The following EHD3 variants were observed in gnomAD, a reference collection of about 807,000 sequenced individuals.
EHD3 encodes the protein EH domain-containing protein 3.
In EHD3, 17 loss-of-function variants were observed where a neutral mutation model predicts 43.0. The observed-to-expected ratio is 0.40, with a 90% CI of 0.27 to 0.59. EHD3 has a LOEUF of 0.59. Among genes scored for constraint, EHD3 ranks in the 20% least tolerant of loss-of-function variants. EHD3 has a pLI of 0.49. For synonymous variants in EHD3, 313 were observed against 289.5 expected (o/e 1.08, Z -0.82); for missense variants, 594 against 705.6 (o/e 0.84, Z 1.79).
chr2:31,254,864 C>A (rs990877702), intron 3 of EHD3, among the ~76,000 whole-genome samples: 3 of 152,142 alleles, frequency 2.0e-5, no homozygotes, highest in Non-Finnish European at 4.4e-5. Context: ...ATGTGTATGC[C>A]CTACTTACCT....
chr2:31,251,091 G>C (rs1410727518), intron 3 of EHD3, among the ~76,000 whole-genome samples: 1 of 152,238 alleles, frequency 6.6e-6, no homozygotes, highest in Non-Finnish European at 1.5e-5. Context: ...CAGTGCTCCT[G>C]CAGTTGTGTA....
chr2:31,266,437 G>A lies in EHD3; in HGVS notation c.1341G>A (p.Met447Ile), dbSNP rs1683952556. 6.2e-7 allele frequency: 1 copy of A among 1,614,128 alleles called. No individual in the cohort carries two copies. Among genetic ancestry groups the A allele is most frequent in the South Asian group, 1.1e-5 (1 of 91,070 alleles). ...GGGTGGTGGCCAGGGACAAGCCCAT[G>A]TACGACGAGATCTTCTACACCCTGT... ...AEWVVARDKP[M>I]YDEIFYTLSP... The change falls in exon 6 of 6, where the codon ATG (methionine) becomes ATA (isoleucine). Residue 447 changes from methionine to isoleucine, a missense_variant. By Grantham distance (10) the Met-to-Ile change is conservative. Around this residue, in one of 3 missense-constraint regions of EHD3, gnomAD observed 322 missense variants for 348.0 expected, o/e 0.93. Coordinates refer to ENST00000322054, the MANE Select transcript of EHD3 (RefSeq NM_014600.3). This position sits in a 1 kb window ranked among gnomAD's most constrained non-coding sequence, Gnocchi z 5.1.
rs762765044 is a variant in EHD3 at position 31,234,611 on chromosome 2, C to T, written c.-11C>T. ...CCTGGGGCTGCGTGCCGGGGGCGAG[C>T]GGCGGCCGCGATGTTCAGCTGGCTG... On this transcript the variant is annotated 5_prime_UTR_variant, in exon 1 of 6. Coordinates refer to ENST00000322054, the MANE Select transcript of EHD3 (RefSeq NM_014600.3). The T allele has an allele frequency of 1.9e-6, 3 of 1,612,414 alleles. No individual in the cohort carries two copies. Among genetic ancestry groups the T allele is most frequent in the Admixed American group, 3.3e-5 (2 of 60,020 alleles).
chr2:31,243,448 CTT>C (rs1310045883), intron 1 of EHD3, among the ~76,000 whole-genome samples: 2 of 67,008 alleles, frequency 3.0e-5, no homozygotes, highest in Admixed American at 2.0e-4. Context: ...TTCTTTCTTT[CTT>C]TCTTTCTTTC....
intron 5 of EHD3, 127 bp downstream of exon 5, chr2:31,261,840 A>C: frequency 6.6e-6 from 7 of 1,054,518 alleles, no homozygotes; most frequent in Middle Eastern, 3.3e-4. Flanking sequence ...GCAGGCAAGG[A>C]GGTGGCCCTG....
chr2:31,259,501 C>T (rs1683807589), intron 3 of EHD3, among the ~76,000 whole-genome samples: 1 of 152,194 alleles, frequency 6.6e-6, no homozygotes, highest in South Asian at 2.1e-4. Flanking sequence ...AGAACAACTT[C>T]TCTGGGGCTC....
At chr2:31,239,573 G>A (rs1159225598) in intron 1 of EHD3, among the ~76,000 whole-genome samples, 3 of 152,138 alleles carry the variant, frequency 2.0e-5, no homozygotes, top group African/African-American at 7.2e-5. Flanking sequence ...ATTGACAGTG[G>A]GACGAAGGCC....
chr2:31,261,674 G>A lies in EHD3; in HGVS notation c.1041G>A (p.Gln347=). 1 of 1,614,234 alleles carries A rather than the reference G, an allele frequency of 6.2e-7. No individual in the cohort carries two copies. Among genetic ancestry groups the A allele is most frequent in the Non-Finnish European group, 8.5e-7 (1 of 1,180,032 alleles). Residue 347 remains glutamine (Q), a synonymous_variant, in exon 5 of 6, where the codon CAG becomes CAA. Transcript: ENST00000322054. ...ATGGCCGGATCGAGCGGGAGCACCA[G>A]ATCTCACCTGGGGACTTCCCCAATC... is the stretch of plus-strand genomic sequence containing the variant. ...EIYGRIEREH[Q]ISPGDFPNLK...
intron 2 of EHD3, among the ~76,000 whole-genome samples, chr2:31,245,905 A>C (rs13033271): frequency 0.092 from 13,947 of 151,950 alleles, 796 homozygotes; most frequent in Non-Finnish European, 0.12. Flanking sequence ...TTATAAACCT[A>C]TGAACTTGTC....
intron 5 of EHD3, among the ~76,000 whole-genome samples, chr2:31,264,142 A>G (rs1161641975): frequency 1.3e-5 from 2 of 152,204 alleles, no homozygotes; most frequent in Non-Finnish European, 1.5e-5. Context: ...ACAAACCTGC[A>G]TGGTAGGGCC....
At chr2:31,234,963 C>T in intron 1 of EHD3, 115 bp downstream of exon 1, 1 of 959,826 alleles carries the variant, frequency 1.0e-6, no homozygotes, top group Non-Finnish European at 1.6e-6. Flanking sequence ...CAGTTGAGGG[C>T]TCTGAAGAGA....
rs1684006842 is a variant in EHD3, at chr2:31,269,114, C to T, written c.*2410C>T. 6.6e-6 allele frequency: 1 copy of T among 152,246 alleles called. No individual in the cohort carries two copies. The allele number at this position is 152,246 out of a possible 1,614,324, so 9.4% of individuals were successfully genotyped here. On this transcript the variant is annotated 3_prime_UTR_variant, in exon 6 of 6. Coordinates refer to ENST00000322054, the MANE Select transcript of EHD3 (RefSeq NM_014600.3). The stretch of plus-strand genomic sequence containing the variant: ...TGGCTTTCTGACCCCTTCCAGGCTT[C>T]AGGGGCCTGGGAGATCTCATGCCTC...
chr2:31,266,358 C>G lies in EHD3; in HGVS notation c.1262C>G (p.Pro421Arg). 1 of 1,614,172 alleles carries G rather than the reference C, an allele frequency of 6.2e-7. No homozygotes were observed. The highest frequency in any genetic ancestry group is 8.5e-7 in the Non-Finnish European group (1 of 1,180,028). Residue 421 changes from proline to arginine, a missense_variant, in exon 6 of 6, where the codon CCC becomes CGC. Pro to Arg is a moderately radical substitution (Grantham distance 103). Coordinates refer to ENST00000322054, the MANE Select transcript of EHD3 (RefSeq NM_014600.3). The surrounding 1 kb of genome is among the most constrained non-coding windows in gnomAD (Gnocchi z 5.1). The part of the protein sequence containing the change: ...GGAFEGTLHG[P>R]FGHGYGEGAG... ...GCGTTCGAGGGCACCCTGCACGGCC[C>G]CTTTGGGCATGGCTATGGGGAGGGG...
Position 31,261,785 on chromosome 2 carries a change from G to A in EHD3, c.1080+72G>A, listed in dbSNP as rs1031996055. 1.9e-6 allele frequency: 3 copies of A among 1,562,982 alleles called. No individual in the cohort carries two copies. In the African/African-American group the frequency reaches 4.1e-5, roughly 21 times the overall value. ...CTGGCTGAGCAGCCTGAGTATGGAGGAGGCCACTCTTGGAGCCCCCCAGGG... is the reference window on the plus strand; with the variant it reads ...CTGGCTGAGCAGCCTGAGTATGGAGAAGGCCACTCTTGGAGCCCCCCAGGG... On this transcript the variant is annotated intron_variant, in intron 5 of 5. Coordinates refer to ENST00000322054, the MANE Select transcript of EHD3 (RefSeq NM_014600.3).
chr2:31,234,839 C>A lies in EHD3; in HGVS notation c.218C>A (p.Thr73Asn). ...GGCCAGTACTCCACTGGGAAGACCA[C>A]CTTCATCAGGTGAGCCGGCCCAGGG... ...LVGQYSTGKT[T>N]FIRYLLEQDF... Residue 73 changes from threonine (T) to asparagine (N), a missense_variant, in exon 1 of 6, where the codon ACC (threonine) becomes AAC (asparagine). By Grantham distance (65) the Thr-to-Asn change is moderately conservative. Coordinates refer to ENST00000322054, the MANE Select transcript of EHD3 (RefSeq NM_014600.3). The A allele has an allele frequency of 6.2e-7, 1 of 1,614,136 alleles. No homozygotes were observed. The highest frequency in any genetic ancestry group is 8.5e-7 in the Non-Finnish European group (1 of 1,180,010).
chr2:31,252,981 TG>T (rs1683666372), intron 3 of EHD3, among the ~76,000 whole-genome samples: 1 of 152,214 alleles, frequency 6.6e-6, no homozygotes, highest in East Asian at 1.9e-4. Context: ...CCAGGACAGT[TG>T]GGGGAAGGGC....
In EHD3 at chr2:31,260,043, A is replaced by C. The variant is rs1036286953; in HGVS notation, c.503-467A>C. 3.3e-5 allele frequency among the ~76,000 whole-genome samples: 5 copies of C among 152,124 alleles called. No homozygotes were observed. Among genetic ancestry groups the C allele is most frequent in the African/African-American group, 1.2e-4 (5 of 41,412 alleles). On this transcript the variant is annotated intron_variant, in intron 3 of 5. Coordinates refer to ENST00000322054, the MANE Select transcript of EHD3 (RefSeq NM_014600.3). This position sits in a 1 kb window ranked among gnomAD's most constrained non-coding sequence, Gnocchi z 4.6. ...ATGGTTAAACCTGTCTCTACTAAAA[A>C]CACAAAAATTAGACGGGCATGGTGG...
Position 31,267,620 on chromosome 2 carries a change from A to G in EHD3, c.*916A>G, listed in dbSNP as rs139198929. The G allele has an allele frequency of 1.3e-5, 2 of 152,714 alleles. No individual in the cohort carries two copies. Among genetic ancestry groups the G allele is most frequent in the Non-Finnish European group, 2.9e-5 (2 of 68,024 alleles). 9.5% of individuals were successfully genotyped at this position (152,714 alleles called of 1,614,324 possible). On this transcript the variant is annotated 3_prime_UTR_variant, in exon 6 of 6. Coordinates refer to ENST00000322054, the MANE Select transcript of EHD3 (RefSeq NM_014600.3). ...CATTTTGCAGTTGAGGAGGCTGAGT[A>G]GCCTCAGAAGGGTTTAGGCGACCTT...
At chr2:31,249,648 G>T (rs1042403894) in intron 3 of EHD3, among the ~76,000 whole-genome samples, 180 bp downstream of exon 3, 1 of 152,138 alleles carries the variant, frequency 6.6e-6, no homozygotes, top group African/African-American at 2.4e-5. Flanking sequence ...GGCAGGGGTC[G>T]GGAGAGGGGA....
Sources: allele counts gnomAD v4.1 joint callset (sites outside exome capture counted in the v4.1 genomes callset), GRCh38; gene constraint gnomAD v4.1.1; regional missense constraint gnomAD v4.1.1; non-coding constraint Gnocchi (gnomAD v3.1); transcripts MANE v1.5; gene names NCBI Gene and HGNC (gene_info 2026-07-23, HGNC 2026-07-21).